The following SORT1 variants were observed in gnomAD, a reference collection of about 807,000 sequenced individuals.
SORT1 encodes sortilin.
In SORT1, 39 loss-of-function variants were observed where a neutral mutation model predicts 101.7. The observed-to-expected ratio is 0.38, with a 90% CI of 0.30 to 0.50. The LOEUF (loss-of-function observed/expected upper bound fraction) is 0.50, where lower values mean the gene tolerates loss of function less well. Ranked by LOEUF, SORT1 falls within the 20% of genes least tolerant of loss-of-function variation. The pLI is 0.90. For synonymous variants in SORT1, 396 were observed against 393.7 expected (o/e 1.01, Z -0.07); for missense variants, 878 against 1,040.4 (o/e 0.84, Z 2.15).
rs1364514928 is a variant in SORT1 at position 109,397,747 on chromosome 1, C to A, written c.146G>T (p.Arg49Leu). 2.5e-6 allele frequency: 3 copies of A among 1,197,368 alleles called. No individual in the cohort carries two copies. The highest frequency in any genetic ancestry group is 2.7e-5 in the South Asian group (1 of 37,144). 74.2% of individuals were successfully genotyped at this position (1,197,368 alleles called of 1,614,324 possible). The change falls in exon 1 of 20, where the codon CGC becomes CTC. Residue 49 changes from arginine (R) to leucine (L), a missense_variant. Around this residue, in one of 2 missense-constraint regions of SORT1, gnomAD observed 194 missense variants for 145.9 expected, o/e 1.33. Transcript: ENST00000256637. The stretch of plus-strand genomic sequence containing the variant: ...GCTCACCCCGATGGGGCCAGACCAG[C>A]GCGGCAGCGGCGCAGCGGGCGGCGG... ...APPPPAAPLP[R>L]WSGPIGVSWG...
chr1:109,325,833 A>G (rs1647969891), intron 13 of SORT1, among the ~76,000 whole-genome samples: 1 of 151,652 alleles, frequency 6.6e-6, no homozygotes, highest in African/African-American at 2.4e-5. Context: ...AAACAAAGCA[A>G]AACAAAAAAC....
At chr1:109,325,635 A>G (rs1286138250) in intron 13 of SORT1, among the ~76,000 whole-genome samples, 1 of 152,200 alleles carries the variant, frequency 6.6e-6, no homozygotes, top group East Asian at 1.9e-4. Context: ...AAATTATTTC[A>G]AAGGAAAGAC....
At chr1:109,336,083 C>T (rs72646570) in intron 11 of SORT1, among the ~76,000 whole-genome samples, 157 bp downstream of exon 11, 2,540 of 152,274 alleles carry the variant, frequency 0.017, 71 homozygotes, top group African/African-American at 0.056. Flanking sequence ...TTCTTACTTC[C>T]GAAATTCTAA....
chr1:109,315,146 G>T (rs1452173474), intron 17 of SORT1, among the ~76,000 whole-genome samples: 1 of 152,178 alleles, frequency 6.6e-6, no homozygotes. Context: ...ACAGTAGGCT[G>T]AATGACTCTA....
chr1:109,341,477 G>A (rs557761394), intron 9 of SORT1, among the ~76,000 whole-genome samples: 1 of 152,090 alleles, frequency 6.6e-6, no homozygotes, highest in Non-Finnish European at 1.5e-5. Context: ...CTCCTGAGTA[G>A]CTGGGACTAT....
Position 109,367,497 on chromosome 1 carries a change from A to C in SORT1, c.367-16T>G, listed in dbSNP as rs1419909276. The C allele has an allele frequency of 1.3e-6, 2 of 1,491,344 alleles. No individual in the cohort carries two copies. The highest frequency in any genetic ancestry group is 2.8e-5 in the African/African-American group (2 of 72,132). 92.4% of individuals were successfully genotyped at this position (1,491,344 alleles called of 1,614,324 possible). A position where few individuals can be genotyped will look rare whatever the true frequency, so the allele number is the denominator to read the frequency against. On this transcript the variant is annotated splice_polypyrimidine_tract_variant and intron_variant, in intron 2 of 19. Coordinates refer to ENST00000256637, the MANE Select transcript of SORT1 (RefSeq NM_002959.7). ...CTAGAATGACCTGGAGAGAGAAAAA[A>C]GCATTCCGTAAATAAAAAAGATATT...
chr1:109,369,380 T>C, intron 2 of SORT1, 150 bp downstream of exon 2: 1 of 595,436 alleles, frequency 1.7e-6, no homozygotes, highest in South Asian at 2.1e-5. Context: ...CAACTACAAC[T>C]TCCTGAAAGT....
intron 3 of SORT1, among the ~76,000 whole-genome samples, chr1:109,359,553 G>A (rs1389312162): frequency 2.6e-5 from 4 of 152,132 alleles, no homozygotes. Context: ...AGGCTGGAGT[G>A]CAATGGCATG....
At chr1:109,336,658 A>C (rs1160363216) in intron 10 of SORT1, among the ~76,000 whole-genome samples, 1 of 151,990 alleles carries the variant, frequency 6.6e-6, no homozygotes, top group African/African-American at 2.4e-5. Context: ...AAATACAAAA[A>C]ATTAGCCGGG....
chr1:109,346,029 C>G, intron 7 of SORT1, 148 bp from the exon 8 acceptor site: 1 of 693,744 alleles, frequency 1.4e-6, no homozygotes, highest in Non-Finnish European at 2.4e-6. Flanking sequence ...TGTGATACAG[C>G]GGCCAGGCGC....
intron 17 of SORT1, among the ~76,000 whole-genome samples, chr1:109,316,231 T>A (rs1647210917): frequency 6.6e-6 from 1 of 151,762 alleles, no homozygotes; most frequent in Non-Finnish European, 1.5e-5. Flanking sequence ...CAACCTTTTT[T>A]TTTTGGTACG....
At chr1:109,347,947 A>G (rs1197072198) in intron 6 of SORT1, among the ~76,000 whole-genome samples, 1 of 152,242 alleles carries the variant, frequency 6.6e-6, no homozygotes, top group African/African-American at 2.4e-5. Flanking sequence ...CCAAAATGTC[A>G]TTAGTGCTGA....
intron 10 of SORT1, among the ~76,000 whole-genome samples, chr1:109,339,275 A>G (rs1184532619): frequency 1.3e-5 from 2 of 152,152 alleles, no homozygotes; most frequent in Non-Finnish European, 2.9e-5. Flanking sequence ...ATGTTTTTCA[A>G]GTGTGTTCAC....
At chr1:109,363,698 C>A (rs1480381609) in intron 3 of SORT1, among the ~76,000 whole-genome samples, 2 of 152,086 alleles carry the variant, frequency 1.3e-5, no homozygotes, top group African/African-American at 4.8e-5. Flanking sequence ...TCCAAATGAA[C>A]CTTTAACCAT....
intron 3 of SORT1, among the ~76,000 whole-genome samples, chr1:109,360,418 G>A (rs1352609707): frequency 3.3e-5 from 5 of 151,864 alleles, no homozygotes; most frequent in Admixed American, 3.3e-4. Flanking sequence ...CTATAGCCTA[G>A]AACTCCTGAG....
At position 109,366,305 on chromosome 1, in the gene SORT1, G is replaced by A. The variant is rs76655093; in HGVS notation, c.440+1103C>T. Among the ~76,000 whole-genome samples, 768 of 152,256 alleles carry A rather than the reference G, an allele frequency of 5.0e-3. 10 individuals are homozygous for A. Among genetic ancestry groups the A allele is most frequent in the African/African-American group, 0.018 (735 of 41,544 alleles). ...CACTACAAAGCACTTTGGTAGGTCCGACCTGAGAGCCTCCTTCTTACCTAA... is the reference window on the plus strand; with the variant it reads ...CACTACAAAGCACTTTGGTAGGTCCAACCTGAGAGCCTCCTTCTTACCTAA... On this transcript the variant is annotated intron_variant, in intron 3 of 19. Coordinates refer to ENST00000256637, the MANE Select transcript of SORT1 (RefSeq NM_002959.7).
chr1:109,392,956 T>C (rs10858091), intron 1 of SORT1: 691,782 of 984,704 alleles, frequency 0.7, 246,350 homozygotes, highest in East Asian at 0.96. Flanking sequence ...CTAGGGAAGG[T>C]AGGATGAAGA....
intron 6 of SORT1, among the ~76,000 whole-genome samples, chr1:109,348,569 G>A (rs997777385): frequency 4.6e-5 from 7 of 152,162 alleles, no homozygotes; most frequent in Admixed American, 3.9e-4. Flanking sequence ...GCTCACTGCA[G>A]CCTCGAACTC....
chr1:109,333,250 C>T (rs945546239), intron 11 of SORT1, among the ~76,000 whole-genome samples: 58 of 152,012 alleles, frequency 3.8e-4, no homozygotes, highest in African/African-American at 1.4e-3. Flanking sequence ...ATGTCATGTA[C>T]AAAAATCAAC....
Sources: allele counts gnomAD v4.1 joint callset (sites outside exome capture counted in the v4.1 genomes callset), GRCh38; gene constraint gnomAD v4.1.1; regional missense constraint gnomAD v4.1.1; transcripts MANE v1.5; gene names NCBI Gene and HGNC (gene_info 2026-07-23, HGNC 2026-07-21).